Variants in ZNF79 observed in about 807,000 individuals in gnomAD.
ZNF79 encodes the protein zinc finger protein 79, also known as ZNFpT7.
ZNF79 carries 13 observed loss-of-function variants against 14.9 expected under a neutral mutation model. The ratio of observed to expected loss-of-function variants is 0.87; its 90% confidence interval spans 0.57 to 1.38. The LOEUF is 1.38. ZNF79 is among the 40% of genes most tolerant of loss of function. The pLI, the probability that ZNF79 is intolerant of heterozygous loss-of-function variation, is 0.00. For synonymous variants in ZNF79, 223 were observed against 235.1 expected, an observed-to-expected ratio of 0.95 and a Z score of 0.47; for missense variants, 631 against 630.6, an observed-to-expected ratio of 1.00 and a Z score of -0.01.
intron 2 of ZNF79, among the ~76,000 whole-genome samples, chr9:127,431,483 A>G (rs1298333255): frequency 1.3e-5 from 2 of 152,164 alleles, no homozygotes; most frequent in African/African-American, 2.4e-5. Context: ...TCCTAACGTC[A>G]GGCGATCCTC....
chr9:127,429,997 A>G (rs1447260114), intron 2 of ZNF79, among the ~76,000 whole-genome samples: 2 of 151,688 alleles, frequency 1.3e-5, no homozygotes, highest in Admixed American at 6.6e-5. Context: ...TTGTATTTTT[A>G]GTAGAGATGG....
intron 2 of ZNF79, among the ~76,000 whole-genome samples, chr9:127,429,325 A>AT (rs934078677): frequency 0.016 from 2,255 of 140,282 alleles, 45 homozygotes; most frequent in African/African-American, 0.048. Context: ...CTGTTTTATT[A>AT]TTTTTTTTTT....
At chr9:127,437,262 G>T (rs983590585) in intron 4 of ZNF79, among the ~76,000 whole-genome samples, 1 of 151,778 alleles carries the variant, frequency 6.6e-6, no homozygotes, top group African/African-American at 2.4e-5. Flanking sequence ...CTCATGGTGT[G>T]CCTGGCACTA....
intron 2 of ZNF79, among the ~76,000 whole-genome samples, chr9:127,433,531 C>T (rs1833896302): frequency 1.3e-5 from 2 of 152,164 alleles, no homozygotes; most frequent in Admixed American, 6.6e-5. Context: ...TCTGGCTACC[C>T]TTGTCCTCCC....
In ZNF79 at chr9:127,444,377, G is replaced by A; in HGVS notation, c.677G>A (p.Cys226Tyr). 6.2e-7 allele frequency: 1 copy of A among 1,612,646 alleles called. No individual in the cohort carries two copies. The highest frequency in any genetic ancestry group is 8.5e-7 in the Non-Finnish European group (1 of 1,178,786). Reference sequence around the variant, plus strand: ...GAGAAGCCCTATGAGTGCAGTGAATGTGGGAAGGCCTTCAGCCAGAGCTCA... The same window carrying A: ...GAGAAGCCCTATGAGTGCAGTGAATATGGGAAGGCCTTCAGCCAGAGCTCA... ...TGEKPYECSE[C>Y]GKAFSQSSSL... is the part of the protein sequence containing the mutation. Residue 226 changes from cysteine to tyrosine, a missense_variant, in exon 5 of 5, where the codon TGT (cysteine) becomes TAT (tyrosine). Transcript: ENST00000342483.
At position 127,436,619 on chromosome 9, in the gene ZNF79, G is replaced by T. The variant is rs374766698; in HGVS notation, c.328+616G>T. Among the ~76,000 whole-genome samples the T allele has an allele frequency of 1.3e-4, 20 of 152,198 alleles. 1 individual carries two copies. Among genetic ancestry groups the T allele is most frequent in the African/African-American group, 3.9e-4 (16 of 41,440 alleles). On this transcript the variant is annotated intron_variant, in intron 4 of 4. Coordinates refer to ENST00000342483, the MANE Select transcript of ZNF79 (RefSeq NM_007135.3). Reference sequence around the variant, plus strand: ...CTGCTCTCTCCCCTAATCTCTCTCAGCCTCTGCCTTGGTGCCACCTCTGGC... The same window carrying T: ...CTGCTCTCTCCCCTAATCTCTCTCATCCTCTGCCTTGGTGCCACCTCTGGC...
chr9:127,425,591 GTTTGT>G (rs1337564064), intron 1 of ZNF79, among the ~76,000 whole-genome samples: 1 of 151,652 alleles, frequency 6.6e-6, no homozygotes, highest in East Asian at 1.9e-4. Flanking sequence ...GTTTTTTTTT[GTTTGT>G]TTTGTTTTGT....
Position 127,444,053 on chromosome 9 carries a change from C to T in ZNF79, c.353C>T (p.Pro118Leu), listed in dbSNP as rs778570472. The change falls in exon 5 of 5, where the codon CCA becomes CTA. Residue 118 changes from proline (P) to leucine (L), a missense_variant. Physicochemically the swap from Pro to Leu is moderately conservative, Grantham distance 98 (BLOSUM62 -3). Coordinates refer to ENST00000342483, the MANE Select transcript of ZNF79 (RefSeq NM_007135.3). ...SPGWKIISGS[P>L]PEQALSEASF... ...GGCTGGAAGATTATATCTGGATCAC[C>T]ACCAGAGCAAGCCCTTTCTGAAGCT... The T allele has an allele frequency of 2.5e-6, 4 of 1,600,542 alleles. No homozygotes were observed. The highest frequency in any genetic ancestry group is 1.1e-5 in the South Asian group (1 of 90,344).
At chr9:127,432,648 A>C (rs1386977518) in intron 2 of ZNF79, among the ~76,000 whole-genome samples, 1 of 152,016 alleles carries the variant, frequency 6.6e-6, no homozygotes, top group East Asian at 1.9e-4. Flanking sequence ...AAATGCCAGC[A>C]CAGTCTGATT....
chr9:127,432,078 A>G (rs922634142), intron 2 of ZNF79, among the ~76,000 whole-genome samples: 71 of 151,506 alleles, frequency 4.7e-4, no homozygotes, highest in African/African-American at 1.7e-3. Context: ...TTTCCTTGTC[A>G]GTTCTGTTCT....
rs1407136216 is a variant in ZNF79, at chr9:127,424,864, C to T, written c.16+61C>T. Reference sequence around the variant, plus strand: ...CGGCTGCTGCTTCGTTTGCCCACGACTGCCGCTGTGTGAGCCGAATCAGAA... The same window carrying T: ...CGGCTGCTGCTTCGTTTGCCCACGATTGCCGCTGTGTGAGCCGAATCAGAA... On this transcript the variant is annotated intron_variant, in intron 1 of 4. Coordinates refer to ENST00000342483, the MANE Select transcript of ZNF79 (RefSeq NM_007135.3). 3.1e-6 allele frequency: 5 copies of T among 1,610,164 alleles called. No homozygotes were observed. In the Admixed American group the frequency reaches 6.7e-5, roughly 22 times the overall value.
At chr9:127,439,089 G>A (rs1367604008) in intron 4 of ZNF79, among the ~76,000 whole-genome samples, 1 of 142,326 alleles carries the variant, frequency 7.0e-6, no homozygotes, top group Admixed American at 7.4e-5. Flanking sequence ...TCCAGCCTGG[G>A]CGACTAAGCG....
In ZNF79 at chr9:127,424,619, C is replaced by T; in HGVS notation, c.-169C>T. The T allele has an allele frequency of 9.9e-7, 1 of 1,007,128 alleles. No individual in the cohort carries two copies. Among genetic ancestry groups the T allele is most frequent in the Non-Finnish European group, 1.5e-6 (1 of 684,864 alleles). 62.4% of individuals were successfully genotyped at this position (1,007,128 alleles called of 1,614,324 possible). On this transcript the variant is annotated 5_prime_UTR_variant, in exon 1 of 5. Transcript: ENST00000342483. ...GCTGGGCAGGCCCGGACAGCTCCCGCGACCCAGCACCGCAGGATCAGACCG... is the reference window on the plus strand; with the variant it reads ...GCTGGGCAGGCCCGGACAGCTCCCGTGACCCAGCACCGCAGGATCAGACCG...
chr9:127,444,448 A>G lies in ZNF79; in HGVS notation c.748A>G (p.Lys250Glu). ...QRIHTGEKPY[K>E]CSECGRAFSQ... Reference sequence around the variant, plus strand: ...GATTCACACTGGAGAGAAGCCTTACAAGTGCAGTGAATGTGGAAGAGCCTT... The same window carrying G: ...GATTCACACTGGAGAGAAGCCTTACGAGTGCAGTGAATGTGGAAGAGCCTT... The change falls in exon 5 of 5, where the codon AAG becomes GAG. Residue 250 changes from lysine to glutamate, a missense_variant. By Grantham distance (56) the Lys-to-Glu change is moderately conservative (BLOSUM62 1). Coordinates refer to ENST00000342483, the MANE Select transcript of ZNF79 (RefSeq NM_007135.3). 2 of 1,609,704 alleles carry G rather than the reference A, an allele frequency of 1.2e-6. No homozygotes were observed. The highest frequency in any genetic ancestry group is 1.7e-6 in the Non-Finnish European group (2 of 1,176,424).
At chr9:127,429,010 T>TC (rs763089519) in intron 2 of ZNF79, 90 bp downstream of exon 2, 63 of 890,726 alleles carry the variant, frequency 7.1e-5, no homozygotes, top group Non-Finnish European at 1.0e-4. Flanking sequence ...TCATTGTTTG[T>TC]TTTCTTTCTT....
chr9:127,428,549 C>A, intron 1 of ZNF79: 1 of 537,404 alleles, frequency 1.9e-6, no homozygotes, highest in Non-Finnish European at 2.5e-6. Context: ...CCCCATTTTG[C>A]AGATGAGAAA....
chr9:127,436,646 G>C (rs1833952797), intron 4 of ZNF79, among the ~76,000 whole-genome samples: 1 of 152,224 alleles, frequency 6.6e-6, no homozygotes, highest in African/African-American at 2.4e-5. Context: ...ACCTCTGGCA[G>C]GGCCTCAGCA....
intron 2 of ZNF79, among the ~76,000 whole-genome samples, chr9:127,430,408 A>T (rs974897302): frequency 6.6e-6 from 1 of 152,110 alleles, no homozygotes; most frequent in Non-Finnish European, 1.5e-5. Flanking sequence ...TTTTCAGCTG[A>T]TGCCCCCTTT....
chr9:127,429,107 T>C (rs553361506), intron 2 of ZNF79, among the ~76,000 whole-genome samples, 187 bp downstream of exon 2: 1 of 152,252 alleles, frequency 6.6e-6, no homozygotes, highest in Admixed American at 6.5e-5. Flanking sequence ...CTCCACATGC[T>C]GGGTTCAAGC....
Sources: allele counts gnomAD v4.1 joint callset (sites outside exome capture counted in the v4.1 genomes callset), GRCh38; gene constraint gnomAD v4.1.1; transcripts MANE v1.5; gene names NCBI Gene and HGNC (gene_info 2026-07-23, HGNC 2026-07-21).